FER1L5: variants seen among roughly 807,000 people sequenced by gnomAD.
FER1L5 encodes fer-1 like family member 5.
A neutral mutation model predicts 279.9 loss-of-function variants in FER1L5; 187 were observed. The ratio of observed to expected loss-of-function variants is 0.67; its 90% confidence interval spans 0.59 to 0.75. FER1L5 has a LOEUF of 0.75. FER1L5 is among the 30% of genes least tolerant of loss of function. FER1L5 has a pLI of 0.00. For synonymous variants in FER1L5, 921 were observed against 989.7 expected (o/e 0.93, Z 1.30); for missense variants, 2,091 against 2,594.4 (o/e 0.81, Z 4.21).
chr2:96,655,082 C>T (rs553643184), intron 9 of FER1L5, among the ~76,000 whole-genome samples: 4 of 151,974 alleles, frequency 2.6e-5, no homozygotes, highest in East Asian at 1.9e-4. Flanking sequence ...AAGCTCAGGG[C>T]GCCATGTTGA....
Position 96,699,938 on chromosome 2 carries a change from G to C in FER1L5, c.4788G>C (p.Gly1596=). 2.5e-6 allele frequency: 4 copies of C among 1,613,834 alleles called. No individual in the cohort carries two copies. The highest frequency in any genetic ancestry group is 3.4e-6 in the Non-Finnish European group (4 of 1,179,814). Residue 1596 remains glycine, a synonymous_variant, in exon 44 of 53, where the codon GGG becomes GGC. Coordinates refer to ENST00000624922, the MANE Select transcript of FER1L5 (RefSeq NM_001293083.2). The part of the protein sequence containing the change: ...CGLSKSYCQS[G]PFRWRDQMPP... ...CCTCTCACATCCCCCACAGGTCAGG[G>C]CCCTTTAGATGGCGGGATCAGATGC...
chr2:96,699,459 C>A, intron 42 of FER1L5, 91 bp from the exon 43 acceptor site: 2 of 1,402,488 alleles, frequency 1.4e-6, no homozygotes, highest in African/African-American at 1.4e-5. Context: ...CATGAACAAA[C>A]AAGGGGCCTA....
chr2:96,668,945 C>T lies in FER1L5; in HGVS notation c.1244C>T (p.Ser415Leu), dbSNP rs1267013337. ...GCCAGCCTGTCCCTCAACCAGATCTCGTCCACCGGAGAAGAGATAGAAGGC... is the reference window on the plus strand; with the variant it reads ...GCCAGCCTGTCCCTCAACCAGATCTTGTCCACCGGAGAAGAGATAGAAGGC... ...GTASLSLNQI[S>L]STGEEIEGVY... Residue 415 changes from serine (S) to leucine (L), a missense_variant, in exon 16 of 53, where the codon TCG becomes TTG. Coordinates refer to ENST00000624922, the MANE Select transcript of FER1L5 (RefSeq NM_001293083.2). The T allele has an allele frequency of 1.4e-5, 22 of 1,551,674 alleles. No individual in the cohort carries two copies. Among genetic ancestry groups the T allele is most frequent in the Non-Finnish European group, 1.7e-5 (20 of 1,146,982 alleles).
chr2:96,701,126 A>G (rs1333038950), intron 45 of FER1L5, among the ~76,000 whole-genome samples: 1 of 152,224 alleles, frequency 6.6e-6, no homozygotes. Context: ...CACCCTGGCC[A>G]ACATGGCAAA....
chr2:96,659,335 T>TTCCTTCCTTCCG (rs2075758874), intron 9 of FER1L5, among the ~76,000 whole-genome samples: 10 of 83,342 alleles, frequency 1.2e-4, no homozygotes, highest in African/African-American at 3.8e-4. Flanking sequence ...CCTTCCTTCC[T>TTCCTTCCTTCCG]TCCTTCCTTC....
At chr2:96,645,868 C>T (rs1246071102) in intron 1 of FER1L5, among the ~76,000 whole-genome samples, 1 of 152,056 alleles carries the variant, frequency 6.6e-6, no homozygotes, top group Non-Finnish European at 1.5e-5. Context: ...AGAGCATTAT[C>T]TGTCACACAG....
Position 96,687,843 on chromosome 2 carries a change from G to A in FER1L5, c.2257G>A (p.Val753Met), listed in dbSNP as rs1418174967. Residue 753 changes from valine to methionine, a missense_variant, in exon 24 of 53, where the codon GTG becomes ATG. By Grantham distance (21) the Val-to-Met change is conservative (BLOSUM62 1). Transcript: ENST00000624922. Reference sequence around the variant, plus strand: ...CCCAGAGGGTGAAGGACAGAAGGATGTGCTCCCAGCTCACCTCCGGGTCTG... The same window carrying A: ...CCCAGAGGGTGAAGGACAGAAGGATATGCTCCCAGCTCACCTCCGGGTCTG... Reference protein sequence around the residue: ...QYPEGEGQKDVLPAHLRVCMW... With the variant: ...QYPEGEGQKDMLPAHLRVCMW... 5 of 1,551,158 alleles carry A rather than the reference G, an allele frequency of 3.2e-6. No individual in the cohort carries two copies. The highest frequency in any genetic ancestry group is 4.4e-6 in the Non-Finnish European group (5 of 1,146,982).
Position 96,686,070 on chromosome 2 carries a change from G to A in FER1L5, c.2026G>A (p.Ala676Thr). The A allele has an allele frequency of 1.9e-6, 3 of 1,551,608 alleles. No individual in the cohort carries two copies. The highest frequency in any genetic ancestry group is 2.6e-6 in the Non-Finnish European group (3 of 1,146,970). ...GCAAGCCAAGCCCAAGGACATGGTG[G>A]CCACAGCGGAGGACTGGCTGTACCG... ...AKQAKPKDMVATAEDWLYRLN... is the reference protein window; with the variant it reads ...AKQAKPKDMVTTAEDWLYRLN... Residue 676 changes from alanine to threonine, a missense_variant, in exon 22 of 53, where the codon GCC (alanine) becomes ACC (threonine). Ala to Thr is a moderately conservative substitution (Grantham distance 58). Transcript: ENST00000624922.
At position 96,687,856 on chromosome 2, in the gene FER1L5, A is replaced by G; in HGVS notation, c.2270A>G (p.His757Arg). 1 of 1,550,968 alleles carries G rather than the reference A, an allele frequency of 6.4e-7. No individual in the cohort carries two copies. Among genetic ancestry groups the G allele is most frequent in the Non-Finnish European group, 8.7e-7 (1 of 1,146,884 alleles). The change falls in exon 24 of 53, where the codon CAC (histidine) becomes CGC (arginine). Residue 757 changes from histidine (H) to arginine (R), a missense_variant. Transcript: ENST00000624922. Reference protein sequence around the residue: ...GEGQKDVLPAHLRVCMWLGNV... With the variant: ...GEGQKDVLPARLRVCMWLGNV... ...GGACAGAAGGATGTGCTCCCAGCTC[A>G]CCTCCGGGTCTGCATGTGGCTTGGC...
intron 1 of FER1L5, 87 bp from the exon 2 acceptor site, chr2:96,646,314 A>C: frequency 7.0e-7 from 1 of 1,427,888 alleles, no homozygotes; most frequent in East Asian, 2.5e-5. Context: ...AAGTTTTCTT[A>C]GAGTGTCCTA....
At chr2:96,692,214 G>C (rs1160702306) in intron 31 of FER1L5, 33 bp downstream of exon 31, 1 of 1,549,482 alleles carries the variant, frequency 6.5e-7, no homozygotes, top group African/African-American at 1.4e-5. Flanking sequence ...CCCAGCTGAG[G>C]ACAAGGCCTC....
At chr2:96,684,542 G>T in intron 20 of FER1L5, 91 bp downstream of exon 20, 2 of 1,481,624 alleles carry the variant, frequency 1.3e-6, no homozygotes, top group South Asian at 2.7e-5. Flanking sequence ...GCAGGAAACT[G>T]GTCACACAGC....
In FER1L5 at chr2:96,702,336, T is replaced by A. The variant is rs760936229; in HGVS notation, c.5190T>A (p.Thr1730=). Residue 1730 remains threonine (T), a synonymous_variant, in exon 47 of 53, where the codon ACT becomes ACA. Transcript: ENST00000624922. The surrounding 1 kb of genome is among the most constrained non-coding windows in gnomAD (Gnocchi z 4.0). The stretch of plus-strand genomic sequence containing the variant: ...AGCTGCGATGCATCATCTGGAAGAC[T>A]GCCAATGTGGACCTGGTGGATGACA... ...RYELRCIIWK[T]ANVDLVDDNL... 3 of 1,612,960 alleles carry A rather than the reference T, an allele frequency of 1.9e-6. No individual in the cohort carries two copies. The highest frequency in any genetic ancestry group is 2.5e-6 in the Non-Finnish European group (3 of 1,179,614).
At chr2:96,659,523 G>T (rs190211369) in intron 9 of FER1L5, among the ~76,000 whole-genome samples, 3 of 118,510 alleles carry the variant, frequency 2.5e-5, no homozygotes, top group South Asian at 3.4e-4. Flanking sequence ...ACAGAGTCTC[G>T]CTCTGTCGCC....
At position 96,689,392 on chromosome 2, in the gene FER1L5, G is replaced by A. The variant is rs1343378004; in HGVS notation, c.2525+16G>A. 1.9e-6 allele frequency: 3 copies of A among 1,547,194 alleles called. No individual in the cohort carries two copies. The highest frequency in any genetic ancestry group is 4.0e-5 in the Admixed American group (2 of 49,710). ...CTCAGAGAAGGTAAGGCCAGAGGGG[G>A]CAGGCCCCACCAGAGGGGACACTTC... On this transcript the variant is annotated intron_variant, in intron 25 of 52. Transcript: ENST00000624922. The surrounding 1 kb of genome is among the most constrained non-coding windows in gnomAD (Gnocchi z 4.6).
chr2:96,694,488 C>T lies in FER1L5; in HGVS notation c.3741+24C>T, dbSNP rs1441385540. 2.6e-6 allele frequency: 4 copies of T among 1,519,728 alleles called. No individual in the cohort carries two copies. The highest frequency in any genetic ancestry group is 2.8e-5 in the African/African-American group (2 of 72,392). The allele number at this position is 1,519,728 out of a possible 1,614,324, so 94.1% of individuals were successfully genotyped here. A position where few individuals can be genotyped will look rare whatever the true frequency, so the allele number is the denominator to read the frequency against. The stretch of plus-strand genomic sequence containing the variant: ...AGGTGCTGGCGATGTGGGATGGGGA[C>T]GGTGGGCAGGACAGGCGGGGGTGGT... On this transcript the variant is annotated intron_variant, in intron 34 of 52. Coordinates refer to ENST00000624922, the MANE Select transcript of FER1L5 (RefSeq NM_001293083.2). The surrounding 1 kb of genome is among the most constrained non-coding windows in gnomAD (Gnocchi z 4.6).
Position 96,703,218 on chromosome 2 carries a change from A to G in FER1L5, c.5563A>G (p.Arg1855Gly). 1.2e-6 allele frequency: 2 copies of G among 1,613,940 alleles called. No homozygotes were observed. Among genetic ancestry groups the G allele is most frequent in the Non-Finnish European group, 1.7e-6 (2 of 1,179,860 alleles). The part of the protein sequence containing the change: ...PARHAKQCSI[R>G]MMDADPKWPY... Reference sequence around the variant, plus strand: ...TCGGCACGCCAAGCAGTGCTCCATCAGGATGATGGACGCCGACCCCAAGTG... The same window carrying G: ...TCGGCACGCCAAGCAGTGCTCCATCGGGATGATGGACGCCGACCCCAAGTG... The change falls in exon 50 of 53, where the codon AGG becomes GGG. Residue 1855 changes from arginine (R) to glycine (G), a missense_variant. Coordinates refer to ENST00000624922, the MANE Select transcript of FER1L5 (RefSeq NM_001293083.2).
chr2:96,647,161 G>A lies in FER1L5; in HGVS notation c.230+6G>A, dbSNP rs1430652675. 1.3e-6 allele frequency: 2 copies of A among 1,551,406 alleles called. No individual in the cohort carries two copies. Among genetic ancestry groups the A allele is most frequent in the African/African-American group, 1.4e-5 (1 of 73,020 alleles). On this transcript the variant is annotated splice_donor_region_variant and intron_variant, in intron 3 of 52. Coordinates refer to ENST00000624922, the MANE Select transcript of FER1L5 (RefSeq NM_001293083.2). ...GGCTCACAAAAGAAAGAAAGGTGAG[G>A]CAGAGAGAGGCAGGAGGAGCCTAGC...
intron 14 of FER1L5, 98 bp downstream of exon 14, chr2:96,663,605 CA>C: frequency 8.9e-6 from 12 of 1,352,126 alleles, no homozygotes; most frequent in African/African-American, 2.9e-5. Context: ...GGGTGGGGGC[CA>C]AAAAGCATGG....
Sources: gnomAD v4.1 joint callset for allele counts (sites outside exome capture counted in the v4.1 genomes callset) on GRCh38, gnomAD v4.1.1 for gene constraint, Gnocchi (gnomAD v3.1) non-coding constraint, MANE v1.5 for transcripts, NCBI Gene and HGNC (gene_info 2026-07-23, HGNC 2026-07-21) for gene names.